The following SLIT2 variants were observed in gnomAD, a reference collection of about 807,000 sequenced individuals.
SLIT2 encodes the protein slit guidance ligand 2.
A neutral mutation model predicts 185.7 loss-of-function variants in SLIT2; 41 were observed. That is an observed-to-expected ratio of 0.22 (90% confidence interval 0.17 to 0.29). The LOEUF (loss-of-function observed/expected upper bound fraction) is 0.29, where lower values mean the gene tolerates loss of function less well. Ranked by LOEUF, SLIT2 falls within the 10% of genes least tolerant of loss-of-function variation. The pLI, the probability that SLIT2 is intolerant of heterozygous loss-of-function variation, is 1.00. For synonymous variants in SLIT2, 693 were observed against 680.2 expected (o/e 1.02, Z -0.29); for missense variants, 1,571 against 1,909.0 (o/e 0.82, Z 3.30).
At chr4:20,365,650 A>T (rs1248829751) in intron 4 of SLIT2, among the ~76,000 whole-genome samples, 1 of 152,062 alleles carries the variant, frequency 6.6e-6, no homozygotes, top group Non-Finnish European at 1.5e-5. Flanking sequence ...GGCTGCCCCT[A>T]CCTGGAAGAT....
At chr4:20,318,478 G>GA (rs1190168581) in intron 4 of SLIT2, among the ~76,000 whole-genome samples, 1 of 152,166 alleles carries the variant, frequency 6.6e-6, no homozygotes. Flanking sequence ...GAAACTAGAA[G>GA]AAAATAATGA....
chr4:20,318,748 A>T (rs1718807507), intron 4 of SLIT2, among the ~76,000 whole-genome samples: 1 of 152,160 alleles, frequency 6.6e-6, no homozygotes, highest in African/African-American at 2.4e-5. Context: ...TTGCTCAGTA[A>T]CTTGACATGT....
At chr4:20,586,256 AAG>A (rs1251683055) in intron 29 of SLIT2, among the ~76,000 whole-genome samples, 1 of 152,234 alleles carries the variant, frequency 6.6e-6, no homozygotes, top group African/African-American at 2.4e-5. Context: ...GTAATGTTTA[AAG>A]AGAATAGCAT....
intron 9 of SLIT2, among the ~76,000 whole-genome samples, chr4:20,501,993 T>C (rs1235852357): frequency 6.6e-6 from 1 of 152,206 alleles, no homozygotes; most frequent in Non-Finnish European, 1.5e-5. Context: ...AACTTATTTC[T>C]TTCTTGTACC....
At chr4:20,330,515 T>C (rs528525086) in intron 4 of SLIT2, among the ~76,000 whole-genome samples, 1 of 152,250 alleles carries the variant, frequency 6.6e-6, no homozygotes, top group South Asian at 2.1e-4. Context: ...TAGAGAGTTA[T>C]AACTTATGAT....
chr4:20,394,468 C>T (rs950587630), intron 4 of SLIT2: 1 of 151,952 alleles, frequency 6.6e-6, no homozygotes, highest in Non-Finnish European at 1.5e-5. Context: ...CAAAGCATTA[C>T]ACCTCTCCAA....
chr4:20,323,313 A>G (rs1464031856), intron 4 of SLIT2, among the ~76,000 whole-genome samples: 1 of 152,196 alleles, frequency 6.6e-6, no homozygotes, highest in South Asian at 2.1e-4. Flanking sequence ...GTTGAAGAGA[A>G]AAGAGTGGAT....
intron 4 of SLIT2, among the ~76,000 whole-genome samples, chr4:20,329,069 G>A (rs926669294): frequency 2.6e-5 from 4 of 151,986 alleles, no homozygotes; most frequent in African/African-American, 7.2e-5. Flanking sequence ...TTCAGCTAAC[G>A]AATGTCCACT....
At chr4:20,604,948 G>A (rs1178051141) in intron 33 of SLIT2, among the ~76,000 whole-genome samples, 2 of 151,510 alleles carry the variant, frequency 1.3e-5, no homozygotes, top group African/African-American at 4.9e-5. Context: ...CGATTCTCCT[G>A]CCTCAGCCTC....
chr4:20,595,583 G>A (rs1212649396), intron 30 of SLIT2, 114 bp from the exon 31 acceptor site: 4 of 1,322,120 alleles, frequency 3.0e-6, no homozygotes, highest in East Asian at 2.3e-5. Flanking sequence ...GGGGCTCTAT[G>A]AGCCTATTCT....
At chr4:20,286,952 G>A (rs1348792957) in intron 4 of SLIT2, among the ~76,000 whole-genome samples, 1 of 152,136 alleles carries the variant, frequency 6.6e-6, no homozygotes, top group Non-Finnish European at 1.5e-5. Flanking sequence ...TTTTATAGAT[G>A]AAATAACTGA....
At chr4:20,464,747 C>T (rs1015314652) in intron 4 of SLIT2, among the ~76,000 whole-genome samples, 1 of 152,146 alleles carries the variant, frequency 6.6e-6, no homozygotes, top group Non-Finnish European at 1.5e-5. Flanking sequence ...TTTGCCGTTC[C>T]TCCCCTGCCC....
At position 20,382,441 on chromosome 4, in the gene SLIT2, A is replaced by G. The variant is rs1366794642; in HGVS notation, c.396-85311A>G. ...GTAGAAAATCTTGAGGAATTACCCA[A>G]AATCTACTCAGACCTACAAATCGGT... is the stretch of plus-strand genomic sequence containing the variant. On this transcript the variant is annotated intron_variant, in intron 4 of 36. Coordinates refer to ENST00000504154, the MANE Select transcript of SLIT2 (RefSeq NM_004787.4). Among the ~76,000 whole-genome samples the G allele has an allele frequency of 2.0e-5, 3 of 152,156 alleles. 1 individual carries two copies. Among genetic ancestry groups the G allele is most frequent in the South Asian group, 4.1e-4 (2 of 4,830 alleles).
At chr4:20,486,093 A>G in intron 6 of SLIT2, 107 bp from the exon 7 acceptor site, 1 of 694,310 alleles carries the variant, frequency 1.4e-6, no homozygotes, top group Non-Finnish European at 2.6e-6. Flanking sequence ...TCTACCAGGT[A>G]GCTGTCCTGC....
chr4:20,431,880 A>G (rs1245436968), intron 4 of SLIT2, among the ~76,000 whole-genome samples: 1 of 152,108 alleles, frequency 6.6e-6, no homozygotes, highest in African/African-American at 2.4e-5. Flanking sequence ...TGTGAGTAGG[A>G]GTGTTTGGAA....
intron 2 of SLIT2, among the ~76,000 whole-genome samples, chr4:20,257,369 G>T (rs1358633396): frequency 6.6e-6 from 1 of 152,020 alleles, no homozygotes; most frequent in Non-Finnish European, 1.5e-5. Context: ...CCACAGGATT[G>T]TAAATATTGA....
intron 4 of SLIT2, among the ~76,000 whole-genome samples, chr4:20,463,071 T>A (rs555134256): frequency 4.6e-5 from 7 of 152,150 alleles, no homozygotes; most frequent in Admixed American, 3.3e-4. Flanking sequence ...ATTTTATAGA[T>A]GAAGCAACTC....
At chr4:20,277,119 C>G (rs1490085034) in intron 4 of SLIT2, among the ~76,000 whole-genome samples, 1 of 151,950 alleles carries the variant, frequency 6.6e-6, no homozygotes, top group Non-Finnish European at 1.5e-5. Flanking sequence ...CTTTTATTAC[C>G]CCGGATTTAT....
intron 29 of SLIT2, among the ~76,000 whole-genome samples, chr4:20,578,439 T>A (rs750978898): frequency 9.2e-5 from 14 of 152,230 alleles, no homozygotes; most frequent in Non-Finnish European, 1.9e-4. Context: ...ACTAGAATTC[T>A]GGTCCAGTTA....
Sources: gnomAD v4.1 joint callset for allele counts (sites outside exome capture counted in the v4.1 genomes callset) on GRCh38, gnomAD v4.1.1 for gene constraint, MANE v1.5 for transcripts, NCBI Gene and HGNC (gene_info 2026-07-23, HGNC 2026-07-21) for gene names.